RNF216: variants seen among roughly 807,000 people sequenced by gnomAD.
RNF216 encodes the protein E3 ubiquitin-protein ligase RNF216.
A neutral mutation model predicts 110.8 loss-of-function variants in RNF216; 72 were observed. The ratio of observed to expected loss-of-function variants is 0.65; its 90% confidence interval spans 0.54 to 0.79. The LOEUF (loss-of-function observed/expected upper bound fraction) is 0.79, where lower values mean the gene tolerates loss of function less well. Among genes scored for constraint, RNF216 ranks in the 30% least tolerant of loss-of-function variants. The pLI, the probability that RNF216 is intolerant of heterozygous loss-of-function variation, is 0.00. For missense variants in RNF216, 1,342 were observed against 1,141.2 expected (o/e 1.18, Z -2.54); for synonymous variants, 495 against 407.5 (o/e 1.21, Z -2.59).
At position 5,649,200 on chromosome 7, in the gene RNF216, C is replaced by T. The variant is rs539225778; in HGVS notation, c.2159+3213G>A. ...AGTTCGAGACCAGCTTGGCCAACCA[C>T]GGCCGACAAAGTAAAACCCCATCTC... On this transcript the variant is annotated intron_variant, in intron 14 of 16. Transcript: ENST00000389902. 1.1e-4 allele frequency among the ~76,000 whole-genome samples: 16 copies of T among 152,026 alleles called. No homozygotes were observed. The East Asian group carries it at 2.7e-3, about 26-fold the overall frequency.
At chr7:5,751,464 G>T (rs1584571955) in intron 3 of RNF216, among the ~76,000 whole-genome samples, 1 of 152,024 alleles carries the variant, frequency 6.6e-6, no homozygotes, top group Non-Finnish European at 1.5e-5. Context: ...CCTAAACCTG[G>T]GAAGTTCATT....
rs34530431 is a variant in RNF216 at position 5,653,600 on chromosome 7, CAAAAAAAA to C, written c.2062-1098_2062-1091del. Among the ~76,000 whole-genome samples, 8 of 50,496 alleles carry C rather than the reference CAAAAAAAA, an allele frequency of 1.6e-4. No individual in the cohort carries two copies. In the South Asian group the frequency reaches 6.4e-3, roughly 41 times the overall value. 33.1% of individuals were successfully genotyped at this position (50,496 alleles called of 152,430 possible). A position where few individuals can be genotyped will look rare whatever the true frequency, so the allele number is the denominator to read the frequency against. ...TGGGCGACAGAGCAAGACTCTGTCT[CAAAAAAAA>C]AAAAAAAAAAAAAAAAGAATTAAAA... On this transcript the variant is annotated intron_variant, in intron 13 of 16. Coordinates refer to ENST00000389902, the MANE Select transcript of RNF216 (RefSeq NM_207111.4).
At chr7:5,734,062 A>G (rs1794248649) in intron 5 of RNF216, among the ~76,000 whole-genome samples, 1 of 152,166 alleles carries the variant, frequency 6.6e-6, no homozygotes, top group African/African-American at 2.4e-5. Context: ...TTAGGAGGGG[A>G]AAAAAATCTC....
At chr7:5,678,504 T>C (rs1790447254) in intron 13 of RNF216, among the ~76,000 whole-genome samples, 1 of 152,128 alleles carries the variant, frequency 6.6e-6, no homozygotes, top group Non-Finnish European at 1.5e-5. Context: ...GTCAGGAAAA[T>C]GGCTCTGGGC....
rs559435453 is a variant in RNF216 at position 5,713,673 on chromosome 7, T to C, written c.1834-810A>G. ...CTCACACAGCTTTCAAACAGCTCTT[T>C]AACATGAACAAAAAGTGTCAGACAT... On this transcript the variant is annotated intron_variant, in intron 11 of 16. Transcript: ENST00000389902. 8.5e-5 allele frequency among the ~76,000 whole-genome samples: 13 copies of C among 152,282 alleles called. No homozygotes were observed. In the East Asian group the frequency reaches 2.3e-3, roughly 27 times the overall value.
intron 2 of RNF216, among the ~76,000 whole-genome samples, chr7:5,757,335 A>G (rs1286897480): frequency 6.6e-6 from 1 of 152,112 alleles, no homozygotes; most frequent in East Asian, 1.9e-4. Context: ...ATCTTTTATC[A>G]TTATGAACTC....
At chr7:5,633,952 T>C (rs939816818) in intron 15 of RNF216, among the ~76,000 whole-genome samples, 9 of 152,290 alleles carry the variant, frequency 5.9e-5, no homozygotes, top group South Asian at 4.1e-4. Flanking sequence ...CAGCAGGGTA[T>C]AGACAGGAGA....
intron 2 of RNF216, chr7:5,760,540 C>CAA (rs1238181400): frequency 3.4e-6 from 1 of 296,378 alleles, no homozygotes; most frequent in African/African-American, 2.3e-5. Context: ...AAAAACAAAA[C>CAA]AAAACTGTAG....
intron 13 of RNF216, among the ~76,000 whole-genome samples, chr7:5,686,737 C>T (rs865942384): frequency 6.6e-6 from 1 of 152,168 alleles, no homozygotes; most frequent in Admixed American, 6.5e-5. Context: ...AACAGCGGTC[C>T]CCAACATTTT....
rs542289453 is a variant in RNF216 at position 5,734,196 on chromosome 7, C to G, written c.1122-3379G>C. ...TCACAGCTACATTATTTGTGACAGT[C>G]AGAACTCAAATGCCTATCAAAAGTA... On this transcript the variant is annotated intron_variant, in intron 5 of 16. Coordinates refer to ENST00000389902, the MANE Select transcript of RNF216 (RefSeq NM_207111.4). Among the ~76,000 whole-genome samples, 15 of 152,184 alleles carry G rather than the reference C, an allele frequency of 9.9e-5. No individual in the cohort carries two copies. The East Asian group carries it at 2.9e-3, about 29-fold the overall frequency.
In RNF216 at chr7:5,752,923, T is replaced by C. The variant is rs1451245823; in HGVS notation, c.124A>G (p.Arg42Gly). 3 of 1,612,106 alleles carry C rather than the reference T, an allele frequency of 1.9e-6. No individual in the cohort carries two copies. Among genetic ancestry groups the C allele is most frequent in the African/African-American group, 2.7e-5 (2 of 74,902 alleles). The change falls in exon 3 of 17, where the codon AGG becomes GGG. Residue 42 changes from arginine (R) to glycine (G), a missense_variant. Physicochemically the swap from Arg to Gly is moderately radical, Grantham distance 125. Coordinates refer to ENST00000389902, the MANE Select transcript of RNF216 (RefSeq NM_207111.4). Reference sequence around the variant, plus strand: ...GCTGGGGTGACCAGCATTGGAATCCTTTCCTCATCTGAGGAGTCAGATATG... The same window carrying C: ...GCTGGGGTGACCAGCATTGGAATCCCTTCCTCATCTGAGGAGTCAGATATG... The part of the protein sequence containing the change: ...ITISDSSDEE[R>G]IPMLVTPAPQ...
At chr7:5,760,391 C>A in intron 2 of RNF216, 1 of 320,698 alleles carries the variant, frequency 3.1e-6, no homozygotes, top group Non-Finnish European at 6.3e-6. Context: ...TGGCACATGC[C>A]TGTAATCCCA....
At chr7:5,749,920 A>C (rs558724613) in intron 3 of RNF216, among the ~76,000 whole-genome samples, 1 of 152,220 alleles carries the variant, frequency 6.6e-6, no homozygotes, top group East Asian at 1.9e-4. Context: ...TGGTTCTTTT[A>C]ATGTTTTGTT....
chr7:5,643,250 T>C (rs1200643312), intron 14 of RNF216, among the ~76,000 whole-genome samples: 2 of 152,034 alleles, frequency 1.3e-5, no homozygotes, highest in Admixed American at 6.6e-5. Flanking sequence ...AGAGTAGTAC[T>C]GGATAGGGCC....
rs1267934792 is a variant in RNF216, at chr7:5,761,153, A to G, written c.-69-15T>C. 3 of 764,428 alleles carry G rather than the reference A, an allele frequency of 3.9e-6. No homozygotes were observed. Among genetic ancestry groups the G allele is most frequent in the Non-Finnish European group, 6.5e-6 (3 of 464,704 alleles). 47.4% of individuals were successfully genotyped at this position (764,428 alleles called of 1,614,324 possible). A position where few individuals can be genotyped will look rare whatever the true frequency, so the allele number is the denominator to read the frequency against. ...TTTCAAAAGAACTGAAAAGGAAGCA[A>G]AGAGTAACAGTAAGAATGAGGGAGT... On this transcript the variant is annotated splice_polypyrimidine_tract_variant and intron_variant, in intron 1 of 16. Transcript: ENST00000389902.
intron 13 of RNF216, among the ~76,000 whole-genome samples, chr7:5,668,862 C>T (rs988242937): frequency 5.9e-5 from 9 of 152,136 alleles, no homozygotes; most frequent in South Asian, 2.1e-4. Context: ...ATCTTTACTA[C>T]GGGAAATAGT....
intron 13 of RNF216, among the ~76,000 whole-genome samples, chr7:5,673,975 C>G (rs987110555): frequency 6.6e-6 from 1 of 151,734 alleles, no homozygotes; most frequent in African/African-American, 2.4e-5. Flanking sequence ...ATTCTCCTGC[C>G]TCAGCCTCTG....
At chr7:5,749,276 G>A (rs919292657) in intron 3 of RNF216, among the ~76,000 whole-genome samples, 2 of 151,330 alleles carry the variant, frequency 1.3e-5, no homozygotes, top group Non-Finnish European at 1.5e-5. Context: ...TCAGCCTCCT[G>A]AGTAGCTGGA....
chr7:5,756,115 TG>T (rs1562465849), intron 2 of RNF216, among the ~76,000 whole-genome samples: 23 of 74,958 alleles, frequency 3.1e-4, no homozygotes, highest in African/African-American at 8.0e-4. Flanking sequence ...CTCGTGATAG[TG>T]AGTGAGTCTT....
Sources: allele counts gnomAD v4.1 joint callset (sites outside exome capture counted in the v4.1 genomes callset), GRCh38; gene constraint gnomAD v4.1.1; transcripts MANE v1.5; gene names NCBI Gene and HGNC (gene_info 2026-07-23, HGNC 2026-07-21).